Variants in PARK7 observed in about 807,000 individuals in gnomAD.
PARK7 encodes Parkinson disease protein 7.
PARK7 carries 14 observed loss-of-function variants against 20.5 expected under a neutral mutation model. That is an observed-to-expected ratio of 0.68 (90% confidence interval 0.45 to 1.07). The LOEUF (loss-of-function observed/expected upper bound fraction) is 1.07, where lower values mean the gene tolerates loss of function less well. PARK7 is among the 50% of genes least tolerant of loss of function. PARK7 has a pLI of 0.00. For synonymous variants in PARK7, 98 were observed against 84.3 expected (o/e 1.16, Z -0.89); for missense variants, 234 against 238.1 (o/e 0.98, Z 0.11).
chr1:7,985,185 A>G lies in PARK7; in HGVS notation c.*131A>G. On this transcript the variant is annotated 3_prime_UTR_variant, in exon 7 of 7. Transcript: ENST00000338639. Reference sequence around the variant, plus strand: ...CTGTCCTTACTACTTTTGCGGAAGTATGGAAGTCACAACTACACAGAGATT... The same window carrying G: ...CTGTCCTTACTACTTTTGCGGAAGTGTGGAAGTCACAACTACACAGAGATT... The G allele has an allele frequency of 3.2e-6, 4 of 1,245,382 alleles. No individual in the cohort carries two copies. The highest frequency in any genetic ancestry group is 1.3e-5 in the South Asian group (1 of 77,474). The allele number at this position is 1,245,382 out of a possible 1,614,324, so 77.1% of individuals were successfully genotyped here.
At chr1:7,969,083 A>G (rs1201531171) in intron 3 of PARK7, 2 of 412,580 alleles carry the variant, frequency 4.8e-6, no homozygotes, top group Non-Finnish European at 4.4e-6. Context: ...TGTCTTTTAC[A>G]GGAAGGAGAT....
chr1:7,975,382 G>A (rs1271431951), intron 5 of PARK7, among the ~76,000 whole-genome samples: 7 of 152,290 alleles, frequency 4.6e-5, no homozygotes, highest in Admixed American at 4.6e-4. Flanking sequence ...GAGGCCTCTG[G>A]AAGCAAGGTC....
intron 2 of PARK7, 61 bp downstream of exon 2, chr1:7,962,936 T>A (rs1640240599): frequency 7.5e-7 from 1 of 1,334,232 alleles, no homozygotes; most frequent in Non-Finnish European, 1.1e-6. Flanking sequence ...TTTTAAATCA[T>A]TTTGAATAAA....
intron 5 of PARK7, among the ~76,000 whole-genome samples, chr1:7,974,404 C>A (rs1003609252): frequency 2.0e-5 from 3 of 151,914 alleles, no homozygotes; most frequent in Admixed American, 2.0e-4. Flanking sequence ...CCGAGGCGTG[C>A]GGATCACAAG....
At chr1:7,962,573 A>G (rs995664129) in intron 1 of PARK7, among the ~76,000 whole-genome samples, 190 bp from the exon 2 acceptor site, 1 of 152,170 alleles carries the variant, frequency 6.6e-6, no homozygotes, top group East Asian at 1.9e-4. Flanking sequence ...TCTCAGAGCA[A>G]TTAAAACTGC....
At chr1:7,965,631 G>T (rs923499846) in intron 3 of PARK7, among the ~76,000 whole-genome samples, 1 of 152,202 alleles carries the variant, frequency 6.6e-6, no homozygotes, top group Admixed American at 6.5e-5. Flanking sequence ...TGCTTAGTAA[G>T]TGGGTGGCTG....
In PARK7 at chr1:7,962,871, C is replaced by G. The variant is rs376428939; in HGVS notation, c.86C>G (p.Ala29Gly). 5.8e-5 allele frequency: 93 copies of G among 1,611,806 alleles called. No homozygotes were observed. Among genetic ancestry groups the G allele is most frequent in the Non-Finnish European group, 7.6e-5 (90 of 1,178,658 alleles). ...ATCCCTGTAGATGTCATGAGGCGAG[C>G]TGGGGTAAGTCCCACATCGATTTTT... is the stretch of plus-strand genomic sequence containing the variant. ...TVIPVDVMRR[A>G]GIKVTVAGLA... The change falls in exon 2 of 7, where the codon GCT (alanine) becomes GGT (glycine). Residue 29 changes from alanine (A) to glycine (G), a missense_variant. Physicochemically the swap from Ala to Gly is moderately conservative, Grantham distance 60 (BLOSUM62 0). Transcript: ENST00000338639.
chr1:7,963,535 G>A, intron 2 of PARK7, among the ~76,000 whole-genome samples: 1 of 151,608 alleles, frequency 6.6e-6, no homozygotes, highest in East Asian at 1.9e-4. Context: ...CCGCCACCAC[G>A]CCCGGCTAAT....
chr1:7,977,563 G>A (rs993332590), intron 5 of PARK7, 89 bp from the exon 6 acceptor site: 4 of 1,159,878 alleles, frequency 3.4e-6, no homozygotes, highest in African/African-American at 1.5e-5. Flanking sequence ...GGGATTACAG[G>A]CATGAGCCAC....
intron 2 of PARK7, among the ~76,000 whole-genome samples, chr1:7,963,410 GTCTC>G (rs1017384216): frequency 2.1e-5 from 3 of 145,896 alleles, no homozygotes; most frequent in Middle Eastern, 3.2e-3. Context: ...TTGAGATGGT[GTCTC>G]TCTGTGTCGC....
intron 1 of PARK7, 66 bp from the exon 2 acceptor site, chr1:7,962,697 A>T: frequency 9.6e-7 from 1 of 1,041,052 alleles, no homozygotes. Context: ...CTAAACTTTA[A>T]ATTTTGGGGT....
intron 6 of PARK7, among the ~76,000 whole-genome samples, chr1:7,982,151 T>A (rs570040040): frequency 2.1e-4 from 30 of 142,388 alleles, no homozygotes; most frequent in Non-Finnish European, 3.9e-4. Flanking sequence ...ATTTTTGTAT[T>A]TTTTTTTTTT....
Position 7,984,752 on chromosome 1 carries a change from T to A in PARK7, c.410-142T>A. 1.0e-6 allele frequency: 1 copy of A among 991,500 alleles called. No individual in the cohort carries two copies. The highest frequency in any genetic ancestry group is 1.6e-6 in the Non-Finnish European group (1 of 641,922). 61.4% of individuals were successfully genotyped at this position (991,500 alleles called of 1,614,324 possible). ...ACCTTTGTAGGGGGCTTCTAAGAGCTTGGAGTGCCTAGTAAATGTTTTTGA... is the reference window on the plus strand; with the variant it reads ...ACCTTTGTAGGGGGCTTCTAAGAGCATGGAGTGCCTAGTAAATGTTTTTGA... On this transcript the variant is annotated intron_variant, in intron 6 of 6. Transcript: ENST00000338639. The surrounding 1 kb of genome is among the most constrained non-coding windows in gnomAD (Gnocchi z 4.3).
intron 1 of PARK7, 74 bp from the exon 2 acceptor site, chr1:7,962,688 TA>T: frequency 2.1e-6 from 2 of 962,238 alleles, no homozygotes; most frequent in Non-Finnish European, 3.1e-6. Flanking sequence ...AAAATGCTCC[TA>T]AACTTTAAAT....
At chr1:7,971,211 C>T (rs556699195) in intron 5 of PARK7, 91 of 540,752 alleles carry the variant, frequency 1.7e-4, no homozygotes, top group Non-Finnish European at 2.5e-4. Flanking sequence ...TGGTTGACCT[C>T]GGAGGAAAAT....
chr1:7,984,927 A>C lies in PARK7; in HGVS notation c.443A>C (p.Lys148Thr), dbSNP rs1229126169. The C allele has an allele frequency of 1.9e-6, 3 of 1,614,056 alleles. No individual in the cohort carries two copies. In the Admixed American group the frequency reaches 5.0e-5, roughly 27 times the overall value. The change falls in exon 7 of 7, where the codon AAA becomes ACA. Residue 148 changes from lysine to threonine, a missense_variant. Physicochemically the swap from Lys to Thr is moderately conservative, Grantham distance 78. Coordinates refer to ENST00000338639, the MANE Select transcript of PARK7 (RefSeq NM_007262.5). This position sits in a 1 kb window ranked among gnomAD's most constrained non-coding sequence, Gnocchi z 4.3. ...ACCTACTCTGAGAATCGTGTGGAAA[A>C]AGACGGCCTGATTCTTACAAGCCGG... ...HYTYSENRVE[K>T]DGLILTSRGP...
At chr1:7,976,557 A>G (rs1640587408) in intron 5 of PARK7, among the ~76,000 whole-genome samples, 1 of 152,142 alleles carries the variant, frequency 6.6e-6, no homozygotes, top group Non-Finnish European at 1.5e-5. Flanking sequence ...TTCTTTGCTT[A>G]AGTAGCTTTC....
intron 6 of PARK7, chr1:7,982,811 A>G (rs570928051): frequency 2.6e-5 from 4 of 152,316 alleles, no homozygotes; most frequent in African/African-American, 4.8e-5. Context: ...TTTCTCTACA[A>G]TAGTTAAATT....
chr1:7,976,677 G>A (rs2151435947), intron 5 of PARK7, among the ~76,000 whole-genome samples: 1 of 152,272 alleles, frequency 6.6e-6, no homozygotes, highest in African/African-American at 2.4e-5. Flanking sequence ...GCATACTTGG[G>A]TGGATAGGTG....
Sources: gnomAD v4.1 joint callset for allele counts (sites outside exome capture counted in the v4.1 genomes callset) on GRCh38, gnomAD v4.1.1 for gene constraint, Gnocchi (gnomAD v3.1) non-coding constraint, MANE v1.5 for transcripts, NCBI Gene and HGNC (gene_info 2026-07-23, HGNC 2026-07-21) for gene names.